Variants in SNAP29 observed in about 807,000 individuals in gnomAD.
SNAP29 encodes synaptosomal-associated protein 29.
Under a neutral mutation model 27.9 loss-of-function variants are expected in SNAP29, and 13 were observed. The ratio of observed to expected loss-of-function variants is 0.47; its 90% CI spans 0.30 to 0.74. The LOEUF is 0.74. Among genes scored for constraint, SNAP29 ranks in the 30% least tolerant of loss-of-function variants. The probability of loss-of-function intolerance (pLI) is 0.06; values close to 1 mark genes in which losing one functional copy is unlikely to be tolerated. For missense variants in SNAP29, 368 were observed against 336.5 expected (o/e 1.09, Z -0.73); for synonymous variants, 119 against 127.1 (o/e 0.94, Z 0.43).
intron 1 of SNAP29, among the ~76,000 whole-genome samples, chr22:20,867,424 A>G (rs1569115866): frequency 6.6e-6 from 1 of 152,004 alleles, no homozygotes; most frequent in African/African-American, 2.4e-5. Context: ...GCCTGTCCTT[A>G]CAGACTGTCA....
At chr22:20,870,239 C>T in intron 1 of SNAP29, 98 bp from the exon 2 acceptor site, 1 of 1,027,400 alleles carries the variant, frequency 9.7e-7, no homozygotes, top group Non-Finnish European at 1.5e-6. Context: ...CAGATGTGCC[C>T]ACTGAGAGTT....
At position 20,859,063 on chromosome 22, in the gene SNAP29, A is replaced by C. The variant is rs1234996346; in HGVS notation, c.-48A>C. On this transcript the variant is annotated 5_prime_UTR_variant, in exon 1 of 5. Coordinates refer to ENST00000215730, the MANE Select transcript of SNAP29 (RefSeq NM_004782.4). ...GGGCGAGGCCCTGGACGGCGGCGGC[A>C]GTGGGGCTCCTCCTTCTGTTTCCCA... 6.7e-7 allele frequency: 1 copy of C among 1,486,094 alleles called. No individual in the cohort carries two copies. Among genetic ancestry groups the C allele is most frequent in the Non-Finnish European group, 9.3e-7 (1 of 1,077,032 alleles). 92.1% of individuals were successfully genotyped at this position (1,486,094 alleles called of 1,614,324 possible). A position where few individuals can be genotyped will look rare whatever the true frequency, so the allele number is the denominator to read the frequency against.
At chr22:20,868,174 A>T (rs1324730025) in intron 1 of SNAP29, among the ~76,000 whole-genome samples, 1 of 152,266 alleles carries the variant, frequency 6.6e-6, no homozygotes, top group Non-Finnish European at 1.5e-5. Context: ...TGGAAGGAGC[A>T]GAAATGCCAG....
At position 20,891,031 on chromosome 22, in the gene SNAP29, C is replaced by G. The variant is rs573331335; in HGVS notation, c.*3195C>G. On this transcript the variant is annotated 3_prime_UTR_variant, in exon 5 of 5. Transcript: ENST00000215730. The stretch of plus-strand genomic sequence containing the variant: ...CGGAGCTTGCAGTGAGCCAAGGCGA[C>G]AGAGCAAGACTCTGTCTCAAAAAAT... 1.3e-5 allele frequency: 2 copies of G among 152,186 alleles called. No individual in the cohort carries two copies. The highest frequency in any genetic ancestry group is 4.8e-5 in the African/African-American group (2 of 41,512). The allele number at this position is 152,186 out of a possible 1,614,324, so 9.4% of individuals were successfully genotyped here.
intron 2 of SNAP29, among the ~76,000 whole-genome samples, chr22:20,874,965 G>C (rs1032609704): frequency 6.6e-6 from 1 of 152,142 alleles, no homozygotes; most frequent in Admixed American, 6.6e-5. Context: ...TGGCAAGTTT[G>C]TGACTAGCAC....
chr22:20,884,040 G>C (rs1928954467), intron 4 of SNAP29, among the ~76,000 whole-genome samples: 1 of 152,232 alleles, frequency 6.6e-6, no homozygotes, highest in Non-Finnish European at 1.5e-5. Context: ...AAAACGGAAG[G>C]GTGTGCAGGG....
chr22:20,868,194 C>A (rs752495638), intron 1 of SNAP29, among the ~76,000 whole-genome samples: 9 of 152,344 alleles, frequency 5.9e-5, no homozygotes, highest in Non-Finnish European at 1.0e-4. Context: ...GATACATTAG[C>A]AGCTCTTTTT....
At position 20,887,573 on chromosome 22, in the gene SNAP29, A is replaced by G. The variant is rs1929048854; in HGVS notation, c.620-106A>G. 2.5e-6 allele frequency: 3 copies of G among 1,209,448 alleles called. No homozygotes were observed. In the South Asian group the frequency reaches 3.6e-5, roughly 15 times the overall value. The allele number at this position is 1,209,448 out of a possible 1,614,324, so 74.9% of individuals were successfully genotyped here. A position where few individuals can be genotyped will look rare whatever the true frequency, so the allele number is the denominator to read the frequency against. On this transcript the variant is annotated intron_variant, in intron 4 of 4. Coordinates refer to ENST00000215730, the MANE Select transcript of SNAP29 (RefSeq NM_004782.4). Reference sequence around the variant, plus strand: ...TCTCTGCAGTGGGTGCAGTCCCCCCAGGCAACACAGATCCCTGTCTCTCCC... The same window carrying G: ...TCTCTGCAGTGGGTGCAGTCCCCCCGGGCAACACAGATCCCTGTCTCTCCC...
At chr22:20,881,615 G>A (rs1295178305) in intron 3 of SNAP29, among the ~76,000 whole-genome samples, 1 of 152,218 alleles carries the variant, frequency 6.6e-6, no homozygotes, top group East Asian at 1.9e-4. Flanking sequence ...GCTTGGACAG[G>A]AGAATCACTT....
At chr22:20,874,180 A>C (rs362013) in intron 2 of SNAP29, among the ~76,000 whole-genome samples, 147,553 of 147,568 alleles carry the variant, frequency 1, 73,769 homozygotes, top group Middle Eastern at 1. Context: ...GAGGGTGAGA[A>C]ATGTGTATGG....
At position 20,888,303 on chromosome 22, in the gene SNAP29, GTCA is replaced by G. The variant is rs535250778; in HGVS notation, c.*472_*474del. ...GTCCTTCCCACACCTTTGTTTAGGA[GTCA>G]TCATTCACACACACACACACACACA... On this transcript the variant is annotated 3_prime_UTR_variant, in exon 5 of 5. Coordinates refer to ENST00000215730, the MANE Select transcript of SNAP29 (RefSeq NM_004782.4). 2.2e-4 allele frequency: 54 copies of G among 240,936 alleles called. 1 individual carries two copies. Among genetic ancestry groups the G allele is most frequent in the South Asian group, 2.1e-3 (46 of 22,344 alleles). The allele number at this position is 240,936 out of a possible 1,614,324, so 14.9% of individuals were successfully genotyped here. A position where few individuals can be genotyped will look rare whatever the true frequency, so the allele number is the denominator to read the frequency against.
intron 1 of SNAP29, among the ~76,000 whole-genome samples, chr22:20,861,604 ATTT>A (rs1284778465): frequency 6.6e-6 from 1 of 151,386 alleles, no homozygotes; most frequent in African/African-American, 2.4e-5. Context: ...CACCTGGCTA[ATTT>A]TTTTGTTTTT....
intron 3 of SNAP29, among the ~76,000 whole-genome samples, chr22:20,881,890 C>A (rs556553457): frequency 4.9e-4 from 74 of 152,242 alleles, no homozygotes; most frequent in African/African-American, 1.8e-3. Flanking sequence ...GGTGGAATTA[C>A]AGTTGCAGAT....
At chr22:20,881,319 G>A (rs1051755869) in intron 3 of SNAP29, among the ~76,000 whole-genome samples, 185 bp downstream of exon 3, 8 of 152,190 alleles carry the variant, frequency 5.3e-5, no homozygotes, top group Non-Finnish European at 1.2e-4. Flanking sequence ...AGCTGGGGGT[G>A]TGCATTATGG....
At chr22:20,874,239 CAA>C (rs1334119078) in intron 2 of SNAP29, among the ~76,000 whole-genome samples, 3 of 143,572 alleles carry the variant, frequency 2.1e-5, no homozygotes, top group African/African-American at 7.5e-5. Context: ...CACGCCACTG[CAA>C]CAGTGAGCTG....
chr22:20,869,776 C>T (rs1302530805), intron 1 of SNAP29, among the ~76,000 whole-genome samples: 2 of 152,086 alleles, frequency 1.3e-5, no homozygotes, highest in Admixed American at 1.3e-4. Flanking sequence ...TCCATCTCCC[C>T]TCACCCCCAA....
Position 20,859,039 on chromosome 22 carries a change from G to A in SNAP29, c.-72G>A. The A allele has an allele frequency of 2.8e-6, 4 of 1,429,446 alleles. No homozygotes were observed. The highest frequency in any genetic ancestry group is 3.9e-6 in the Non-Finnish European group (4 of 1,035,030). 88.5% of individuals were successfully genotyped at this position (1,429,446 alleles called of 1,614,324 possible). ...CGACGACCGCGGGGTCGGCGGGCGG[G>A]GCGAGGCCCTGGACGGCGGCGGCAG... On this transcript the variant is annotated 5_prime_UTR_variant, in exon 1 of 5. Transcript: ENST00000215730.
intron 2 of SNAP29, among the ~76,000 whole-genome samples, chr22:20,878,948 T>G (rs1928815652): frequency 6.6e-6 from 1 of 152,124 alleles, no homozygotes. Flanking sequence ...TCAAAGATAT[T>G]TTATAGGGAC....
rs970999413 is a variant in SNAP29, at chr22:20,890,292, A to G, written c.*2456A>G. 6 of 398,490 alleles carry G rather than the reference A, an allele frequency of 1.5e-5. No individual in the cohort carries two copies. Among genetic ancestry groups the G allele is most frequent in the African/African-American group, 1.2e-4 (6 of 48,618 alleles). The allele number at this position is 398,490 out of a possible 1,614,324, so 24.7% of individuals were successfully genotyped here. A position where few individuals can be genotyped will look rare whatever the true frequency, so the allele number is the denominator to read the frequency against. Reference sequence around the variant, plus strand: ...ACAAAAAAATGCTACCCTCTAGACTAGACACATTTCATGGAGACAAGCAAA... The same window carrying G: ...ACAAAAAAATGCTACCCTCTAGACTGGACACATTTCATGGAGACAAGCAAA... On this transcript the variant is annotated 3_prime_UTR_variant, in exon 5 of 5. Coordinates refer to ENST00000215730, the MANE Select transcript of SNAP29 (RefSeq NM_004782.4).
Sources: allele counts gnomAD v4.1 joint callset (sites outside exome capture counted in the v4.1 genomes callset), GRCh38; gene constraint gnomAD v4.1.1; transcripts MANE v1.5; gene names NCBI Gene and HGNC (gene_info 2026-07-23, HGNC 2026-07-21).